Variants in TMEM161B observed in about 807,000 individuals in gnomAD.
TMEM161B encodes the protein transmembrane protein 161B.
A neutral mutation model predicts 61.8 loss-of-function variants in TMEM161B; 34 were observed. The ratio of observed to expected loss-of-function variants is 0.55; its 90% CI spans 0.42 to 0.73. The LOEUF is 0.73. Ranked by LOEUF, TMEM161B falls within the 30% of genes least tolerant of loss-of-function variation. The pLI is 0.00. For synonymous variants in TMEM161B, 167 were observed against 192.8 expected, an observed-to-expected ratio of 0.87 and a Z score of 1.11; for missense variants, 456 against 558.5, an observed-to-expected ratio of 0.82 and a Z score of 1.85.
At chr5:88,214,831 G>T (rs1024662549) in intron 5 of TMEM161B, among the ~76,000 whole-genome samples, 1 of 152,232 alleles carries the variant, frequency 6.6e-6, no homozygotes, top group Non-Finnish European at 1.5e-5. Flanking sequence ...GGGTTTAGGA[G>T]TGAGATTGAA....
chr5:88,215,982 G>A (rs1747748705), intron 5 of TMEM161B, among the ~76,000 whole-genome samples: 1 of 152,206 alleles, frequency 6.6e-6, no homozygotes, highest in Non-Finnish European at 1.5e-5. Flanking sequence ...TACTGGCAGG[G>A]CACAAAGACT....
At chr5:88,261,187 A>ATTTTTTCATTTTT (rs1755642582) in intron 1 of TMEM161B, among the ~76,000 whole-genome samples, 1 of 152,166 alleles carries the variant, frequency 6.6e-6, no homozygotes, top group African/African-American at 2.4e-5. Context: ...CCCAGAAAAA[A>ATTTTTTCATTTTT]ATGAATACTT....
chr5:88,251,659 T>C (rs950565589), intron 1 of TMEM161B, among the ~76,000 whole-genome samples: 13 of 152,274 alleles, frequency 8.5e-5, no homozygotes, highest in African/African-American at 2.9e-4. Flanking sequence ...TTTGCAAAGG[T>C]AGTTTCAAAA....
chr5:88,233,411 A>T (rs146054998), intron 2 of TMEM161B, among the ~76,000 whole-genome samples: 84 of 152,314 alleles, frequency 5.5e-4, no homozygotes, highest in Middle Eastern at 6.8e-3. Flanking sequence ...AGAGGCATGA[A>T]AGAACATAGG....
chr5:88,223,464 G>A (rs1009700266), intron 4 of TMEM161B, among the ~76,000 whole-genome samples: 5 of 152,116 alleles, frequency 3.3e-5, no homozygotes, highest in Non-Finnish European at 5.9e-5. Flanking sequence ...TTTTATACAA[G>A]TAAGCGCATA....
rs1313585318 is a variant in TMEM161B at position 88,266,432 on chromosome 5, GACTA to G, written c.3+2285_3+2288del. Among the ~76,000 whole-genome samples the G allele has an allele frequency of 2.6e-5, 4 of 152,142 alleles. No homozygotes were observed. The East Asian group carries it at 7.7e-4, about 29-fold the overall frequency. ...CATGGAAACAAAACAGTGGAAATCA[GACTA>G]ACTTTTATTTAATCTGAAACATGTA... is the stretch of plus-strand genomic sequence containing the variant. On this transcript the variant is annotated intron_variant, in intron 1 of 11. Coordinates refer to ENST00000296595, the MANE Select transcript of TMEM161B (RefSeq NM_153354.5).
intron 3 of TMEM161B, 67 bp downstream of exon 3, chr5:88,228,378 A>G (rs1279440779): frequency 8.5e-6 from 10 of 1,180,294 alleles, no homozygotes; most frequent in Non-Finnish European, 1.2e-5. Context: ...CTTTAATCAA[A>G]GCATAAAAAT....
intron 5 of TMEM161B, among the ~76,000 whole-genome samples, chr5:88,211,304 A>T (rs1746692851): frequency 6.6e-6 from 1 of 152,120 alleles, no homozygotes; most frequent in Admixed American, 6.5e-5. Flanking sequence ...TAAACATAGG[A>T]TATGCATATT....
intron 1 of TMEM161B, among the ~76,000 whole-genome samples, chr5:88,264,215 T>C (rs1306614885): frequency 1.3e-5 from 2 of 151,488 alleles, no homozygotes; most frequent in Admixed American, 1.3e-4. Context: ...ATCCAGAATC[T>C]ACAAGGAACT....
At chr5:88,258,539 A>G (rs527457831) in intron 1 of TMEM161B, among the ~76,000 whole-genome samples, 1 of 152,314 alleles carries the variant, frequency 6.6e-6, no homozygotes, top group African/African-American at 2.4e-5. Flanking sequence ...GCGAATGCAG[A>G]AACAAATGGT....
intron 5 of TMEM161B, among the ~76,000 whole-genome samples, chr5:88,217,601 G>A (rs1468758431): frequency 6.6e-6 from 1 of 151,926 alleles, no homozygotes; most frequent in Non-Finnish European, 1.5e-5. Flanking sequence ...GGTAATAATA[G>A]GAGGTATTAG....
At position 88,234,936 on chromosome 5, in the gene TMEM161B, T is replaced by C. The variant is rs913187625; in HGVS notation, c.107+5877A>G. Among the ~76,000 whole-genome samples the C allele has an allele frequency of 3.9e-4, 59 of 152,166 alleles. 2 individuals carry two copies. Among genetic ancestry groups the C allele is most frequent in the Non-Finnish European group, 5.9e-5 (4 of 68,038 alleles). On this transcript the variant is annotated intron_variant, in intron 2 of 11. Coordinates refer to ENST00000296595, the MANE Select transcript of TMEM161B (RefSeq NM_153354.5). ...ATAAGCCTTTCATATTTAAGTTAAA[T>C]ATACAACTTTCAGTACATAGCTTTT...
chr5:88,235,048 A>G lies in TMEM161B; in HGVS notation c.107+5765T>C, dbSNP rs555691429. On this transcript the variant is annotated intron_variant, in intron 2 of 11. Transcript: ENST00000296595. ...TAAAGCCAATCTGATACTGTACTCT[A>G]CTAAATTAATTTCTCAATGATCATT... Among the ~76,000 whole-genome samples, 8 of 152,300 alleles carry G rather than the reference A, an allele frequency of 5.3e-5. No homozygotes were observed. In the South Asian group the frequency reaches 1.7e-3, roughly 32 times the overall value.
At position 88,206,507 on chromosome 5, in the gene TMEM161B, GGAAAA is replaced by G; in HGVS notation, c.599-13_599-9del. 5 of 1,246,574 alleles carry G rather than the reference GGAAAA, an allele frequency of 4.0e-6. No individual in the cohort carries two copies. The highest frequency in any genetic ancestry group is 2.5e-5 in the Admixed American group (1 of 40,286). The allele number at this position is 1,246,574 out of a possible 1,614,324, so 77.2% of individuals were successfully genotyped here. A position where few individuals can be genotyped will look rare whatever the true frequency, so the allele number is the denominator to read the frequency against. ...CTGAAAAATTTGTAAACCCTGTGGG[GGAAAA>G]AAAAAAAAACAACAGATTACTCTTA... On this transcript the variant is annotated splice_polypyrimidine_tract_variant and intron_variant, in intron 6 of 11. Transcript: ENST00000296595.
downstream of TMEM161B, chr5:88,190,054 A>G: frequency 1.4e-6 from 1 of 698,296 alleles, no homozygotes; most frequent in South Asian, 1.5e-5. Context: ...ATAAGATCTC[A>G]AAGAAGCACA....
At chr5:88,208,760 C>T (rs1312651089) in intron 5 of TMEM161B, among the ~76,000 whole-genome samples, 3 of 152,154 alleles carry the variant, frequency 2.0e-5, no homozygotes, top group Admixed American at 2.0e-4. Flanking sequence ...TAAAACTAGA[C>T]AGTCTGGATC....
intron 8 of TMEM161B, among the ~76,000 whole-genome samples, chr5:88,205,312 T>C (rs572385334): frequency 5.9e-5 from 9 of 152,246 alleles, no homozygotes; most frequent in Admixed American, 3.3e-4. Context: ...CCCAAAATAA[T>C]GTATTATTTT....
intron 1 of TMEM161B, among the ~76,000 whole-genome samples, chr5:88,266,838 C>T (rs1021610491): frequency 6.6e-6 from 1 of 152,102 alleles, no homozygotes; most frequent in Non-Finnish European, 1.5e-5. Context: ...TAAAACTCAG[C>T]CAAGATAATT....
At chr5:88,220,774 T>TA in intron 4 of TMEM161B, 55 bp from the exon 5 acceptor site, 1 of 1,488,702 alleles carries the variant, frequency 6.7e-7, no homozygotes, top group Non-Finnish European at 8.9e-7. Flanking sequence ...CAGTTTCACT[T>TA]ACATTTTCAT....
Sources: gnomAD v4.1 joint callset for allele counts (sites outside exome capture counted in the v4.1 genomes callset) on GRCh38, gnomAD v4.1.1 for gene constraint, MANE v1.5 for transcripts, NCBI Gene and HGNC (gene_info 2026-07-23, HGNC 2026-07-21) for gene names.